Variants in SLC25A48 observed in about 807,000 individuals in gnomAD.
The protein encoded by SLC25A48 is solute carrier family 25 member 48.
SLC25A48 carries 29 observed loss-of-function variants against 32.2 expected under a neutral mutation model. The ratio of observed to expected loss-of-function variants is 0.90; its 90% CI spans 0.67 to 1.23. SLC25A48 has a LOEUF of 1.23. Among genes scored for constraint, SLC25A48 ranks in the 50% most tolerant of loss-of-function variants. The probability of loss-of-function intolerance (pLI) is 0.00; values close to 1 mark genes in which losing one functional copy is unlikely to be tolerated. For missense variants in SLC25A48, 399 were observed against 422.7 expected (o/e 0.94, Z 0.49); for synonymous variants, 164 against 172.3 (o/e 0.95, Z 0.38).
At chr5:135,693,516 G>C (rs1754193438) in intron 3 of SLC25A48, among the ~76,000 whole-genome samples, 1 of 152,236 alleles carries the variant, frequency 6.6e-6, no homozygotes, top group Non-Finnish European at 1.5e-5. Flanking sequence ...GTCCAGGCTT[G>C]CCAGCCTTGG....
In SLC25A48 at chr5:135,852,810, C is replaced by T. The variant is rs766940846; in HGVS notation, c.410C>T (p.Pro137Leu). The T allele has an allele frequency of 1.5e-5, 24 of 1,605,162 alleles. No homozygotes were observed. The East Asian group carries it at 4.7e-4, about 32-fold the overall frequency. The change falls in exon 4 of 8, where the codon CCG (proline) becomes CTG (leucine). Residue 137 changes from proline to leucine, a missense_variant. Pro to Leu is a moderately conservative substitution (Grantham distance 98). Coordinates refer to ENST00000681962, the MANE Select transcript of SLC25A48 (RefSeq NM_001349336.2). ...ATCCGGTTGCAGATGCAGACACAACCGTTTCGGGACGGTAAGAGGCCAGGG... is the reference window on the plus strand; with the variant it reads ...ATCCGGTTGCAGATGCAGACACAACTGTTTCGGGACGGTAAGAGGCCAGGG... ...IKIRLQMQTQ[P>L]FRDANLGLKS...
intron 3 of SLC25A48, among the ~76,000 whole-genome samples, chr5:135,759,259 C>T (rs1320460036): frequency 2.6e-5 from 4 of 152,060 alleles, no homozygotes; most frequent in South Asian, 2.1e-4. Context: ...TAATACCATA[C>T]AAAGCATTTT....
chr5:135,637,556 A>T (rs1752734096), intron 3 of SLC25A48, among the ~76,000 whole-genome samples: 1 of 152,234 alleles, frequency 6.6e-6, no homozygotes, highest in South Asian at 2.1e-4. Flanking sequence ...CTAAAGATCA[A>T]GATGAGGAGT....
At chr5:135,631,668 A>G (rs987334995) in intron 2 of SLC25A48, among the ~76,000 whole-genome samples, 2 of 152,226 alleles carry the variant, frequency 1.3e-5, no homozygotes, top group African/African-American at 2.4e-5. Flanking sequence ...TGTCAAAGTC[A>G]TTCTCATGTT....
intron 3 of SLC25A48, among the ~76,000 whole-genome samples, chr5:135,694,131 A>G (rs1754212410): frequency 6.6e-6 from 1 of 152,198 alleles, no homozygotes; most frequent in African/African-American, 2.4e-5. Context: ...GTGGGCAGGA[A>G]TGAATGGCTG....
chr5:135,634,021 G>A (rs1167311679), intron 2 of SLC25A48, among the ~76,000 whole-genome samples: 1 of 152,102 alleles, frequency 6.6e-6, no homozygotes, highest in Non-Finnish European at 1.5e-5. Context: ...AATTAGAATT[G>A]GGCAAGGCCG....
At chr5:135,695,130 T>C (rs974983226) in intron 3 of SLC25A48, among the ~76,000 whole-genome samples, 6 of 152,090 alleles carry the variant, frequency 3.9e-5, no homozygotes, top group African/African-American at 1.2e-4. Flanking sequence ...TGTACCTCTC[T>C]TCCCTGGATA....
At chr5:135,793,014 A>T (rs1757071690) in intron 3 of SLC25A48, among the ~76,000 whole-genome samples, 1 of 151,462 alleles carries the variant, frequency 6.6e-6, no homozygotes, top group South Asian at 2.1e-4. Context: ...GGGAGATATT[A>T]TTCCTAATAT....
intron 3 of SLC25A48, among the ~76,000 whole-genome samples, chr5:135,788,550 A>G (rs1456230870): frequency 6.7e-6 from 1 of 148,892 alleles, no homozygotes; most frequent in East Asian, 2.1e-4. Context: ...GGTGGGAAAG[A>G]GAGTGATATT....
At chr5:135,801,892 G>A (rs1025503168) in intron 3 of SLC25A48, among the ~76,000 whole-genome samples, 1 of 151,688 alleles carries the variant, frequency 6.6e-6, no homozygotes, top group African/African-American at 2.4e-5. Context: ...TGCAAGAAGT[G>A]TACACCCTCT....
chr5:135,882,706 A>G (rs1298592109), intron 7 of SLC25A48, among the ~76,000 whole-genome samples: 2 of 151,944 alleles, frequency 1.3e-5, no homozygotes, highest in Non-Finnish European at 2.9e-5. Flanking sequence ...TGGCTCTCAG[A>G]CTTGTCTGTG....
In SLC25A48 at chr5:135,738,054, C is replaced by T. The variant is rs146745737; in HGVS notation, c.-520-74469C>T. ...CGGGGAAATGACACCATCACTATGA[C>T]TGTGATAGAGACTTTCCTCGATACT... On this transcript the variant is annotated intron_variant, in intron 3 of 10. Transcript: ENST00000646290. 7.6e-4 allele frequency among the ~76,000 whole-genome samples: 116 copies of T among 152,312 alleles called. 3 individuals carry two copies. In the East Asian group the frequency reaches 0.02, roughly 26 times the overall value.
intron 7 of SLC25A48, among the ~76,000 whole-genome samples, chr5:135,882,457 G>T (rs1412151881): frequency 1.3e-5 from 2 of 152,188 alleles, no homozygotes; most frequent in African/African-American, 4.8e-5. Context: ...AGGGTGCCAA[G>T]CTGTCCCTAA....
chr5:135,608,173 C>G (rs2126888593), intron 1 of SLC25A48, among the ~76,000 whole-genome samples: 1 of 152,314 alleles, frequency 6.6e-6, no homozygotes, highest in East Asian at 1.9e-4. Flanking sequence ...TTTGCCCAGA[C>G]AGTCCTGATT....
intron 3 of SLC25A48, among the ~76,000 whole-genome samples, chr5:135,804,520 C>T (rs542529014): frequency 2.6e-5 from 4 of 151,292 alleles, no homozygotes; most frequent in African/African-American, 7.3e-5. Context: ...CCTGTGTGTG[C>T]ACCAACTGTG....
chr5:135,721,192 CTTTTTTTT>C (rs757412641), intron 3 of SLC25A48, among the ~76,000 whole-genome samples: 277 of 53,814 alleles, frequency 5.1e-3, no homozygotes, highest in South Asian at 0.011. Flanking sequence ...CATGCCTGGC[CTTTTTTTT>C]TTTTTTTTTT....
intron 1 of SLC25A48, among the ~76,000 whole-genome samples, chr5:135,627,792 C>T (rs1276935272): frequency 0.014 from 2 of 142 alleles, no homozygotes; most frequent in Non-Finnish European, 0.027. Flanking sequence ...AGGAGGGCAT[C>T]ATGAATGCCC....
intron 1 of SLC25A48, 142 bp downstream of exon 1, chr5:135,835,035 C>A (rs2126676206): frequency 1.0e-6 from 1 of 969,790 alleles, no homozygotes; most frequent in Non-Finnish European, 1.6e-6. Flanking sequence ...AGTGCCCGGC[C>A]CCGAGATCCC....
chr5:135,633,621 C>T (rs371811802), intron 2 of SLC25A48, among the ~76,000 whole-genome samples: 23 of 152,064 alleles, frequency 1.5e-4, no homozygotes, highest in African/African-American at 3.4e-4. Context: ...TTAAGCCACA[C>T]GCTTTCTTGT....
Sources: gnomAD v4.1 joint callset for allele counts (sites outside exome capture counted in the v4.1 genomes callset) on GRCh38, gnomAD v4.1.1 for gene constraint, MANE v1.5 for transcripts, NCBI Gene and HGNC (gene_info 2026-07-23, HGNC 2026-07-21) for gene names.